PARN: variants seen among roughly 807,000 people sequenced by gnomAD.
PARN encodes the protein poly(A)-specific ribonuclease, also known as poly(A)-specific ribonuclease PARN.
Under a neutral mutation model 102.8 loss-of-function variants are expected in PARN, and 71 were observed. The observed-to-expected ratio is 0.69, with a 90% CI of 0.57 to 0.84. The LOEUF (loss-of-function observed/expected upper bound fraction) is 0.84. Ranked by LOEUF, PARN falls within the 40% of genes least tolerant of loss-of-function variation. PARN has a pLI of 0.00. For missense variants in PARN, 782 were observed against 760.9 expected (o/e 1.03, Z -0.33); for synonymous variants, 261 against 252.9 (o/e 1.03, Z -0.30).
intron 21 of PARN, among the ~76,000 whole-genome samples, chr16:14,492,118 G>A (rs983094922): frequency 6.6e-6 from 1 of 152,204 alleles, no homozygotes; most frequent in Non-Finnish European, 1.5e-5. Flanking sequence ...CATATCGTGG[G>A]TGTTTCTCCA....
intron 12 of PARN, among the ~76,000 whole-genome samples, chr16:14,595,169 G>A (rs533021196): frequency 6.6e-6 from 1 of 152,312 alleles, no homozygotes; most frequent in South Asian, 2.1e-4. Context: ...TAGCTCTGAA[G>A]CTACTTTATG....
At position 14,630,187 on chromosome 16, in the gene PARN, C is replaced by G; in HGVS notation, c.-62G>C. ...CCGCGCCCGCCTCAGCGGTTCTACTCGCCGAATTCCGCGGCGACTGCGGCA... is the reference window on the plus strand; with the variant it reads ...CCGCGCCCGCCTCAGCGGTTCTACTGGCCGAATTCCGCGGCGACTGCGGCA... On this transcript the variant is annotated 5_prime_UTR_variant, in exon 1 of 24. Coordinates refer to ENST00000437198, the MANE Select transcript of PARN (RefSeq NM_002582.4). 1 of 1,447,274 alleles carries G rather than the reference C, an allele frequency of 6.9e-7. No homozygotes were observed. Among genetic ancestry groups the G allele is most frequent in the South Asian group, 1.2e-5 (1 of 80,574 alleles). 89.7% of individuals were successfully genotyped at this position (1,447,274 alleles called of 1,614,324 possible). A position where few individuals can be genotyped will look rare whatever the true frequency, so the allele number is the denominator to read the frequency against.
intron 22 of PARN, among the ~76,000 whole-genome samples, chr16:14,450,508 A>T (rs1194259513): frequency 6.6e-6 from 1 of 152,118 alleles, no homozygotes; most frequent in Non-Finnish European, 1.5e-5. Context: ...ATATGTGTTC[A>T]TATTTATGTA....
chr16:14,604,222 T>G lies in PARN; in HGVS notation c.707A>C (p.Glu236Ala). The part of the protein sequence containing the change: ...HVETLETEKK[E>A]RYIVISKVDE... ...TACTTTGCTGATAACTATATATCGCTCCTTCTAAAAGACATAAAGCAGATA... is the reference window on the plus strand; with the variant it reads ...TACTTTGCTGATAACTATATATCGCGCCTTCTAAAAGACATAAAGCAGATA... Residue 236 changes from glutamate (E) to alanine (A), a missense_variant, in exon 11 of 24, where the codon GAG (glutamate) becomes GCG (alanine). By Grantham distance (107) the Glu-to-Ala change is moderately radical. Transcript: ENST00000437198. The G allele has an allele frequency of 1.3e-6, 2 of 1,575,936 alleles. No homozygotes were observed. The highest frequency in any genetic ancestry group is 8.7e-7 in the Non-Finnish European group (1 of 1,153,362).
intron 18 of PARN, among the ~76,000 whole-genome samples, chr16:14,556,998 C>A (rs560339610): frequency 7.2e-5 from 11 of 152,080 alleles, no homozygotes; most frequent in Admixed American, 2.0e-4. Flanking sequence ...AAAATGGGTA[C>A]AAAGGCACTT....
intron 5 of PARN, among the ~76,000 whole-genome samples, chr16:14,622,025 C>G (rs1972335660): frequency 6.6e-6 from 1 of 151,418 alleles, no homozygotes; most frequent in South Asian, 2.1e-4. Context: ...AAACTCTGTC[C>G]CTACTAAAAA....
intron 18 of PARN, among the ~76,000 whole-genome samples, chr16:14,558,057 A>G (rs1967810814): frequency 6.6e-6 from 1 of 152,230 alleles, no homozygotes; most frequent in African/African-American, 2.4e-5. Context: ...GTCATGCTTC[A>G]TATAATTTTC....
At chr16:14,519,363 G>C (rs909935843) in intron 21 of PARN, among the ~76,000 whole-genome samples, 1 of 139,314 alleles carries the variant, frequency 7.2e-6, no homozygotes, top group Non-Finnish European at 1.6e-5. Flanking sequence ...GAGGGGAGGG[G>C]AGGAAGAACA....
chr16:14,523,224 T>TACAC (rs35250440), intron 21 of PARN, among the ~76,000 whole-genome samples: 6,062 of 144,168 alleles, frequency 0.042, 135 homozygotes, highest in Middle Eastern at 0.054. Flanking sequence ...AACTAACAAG[T>TACAC]ACACACACAC....
At chr16:14,456,479 TAA>T (rs1295869730) in intron 22 of PARN, among the ~76,000 whole-genome samples, 1 of 152,140 alleles carries the variant, frequency 6.6e-6, no homozygotes, top group African/African-American at 2.4e-5. Flanking sequence ...TGGCCTACAG[TAA>T]GTCTTAAAGA....
intron 12 of PARN, among the ~76,000 whole-genome samples, chr16:14,597,523 C>T (rs1014591655): frequency 1.3e-5 from 2 of 151,904 alleles, no homozygotes; most frequent in Non-Finnish European, 2.9e-5. Context: ...GGTGAAACCC[C>T]GTCTCTACTA....
At chr16:14,521,521 G>A (rs1026450382) in intron 21 of PARN, among the ~76,000 whole-genome samples, 37 of 152,158 alleles carry the variant, frequency 2.4e-4, no homozygotes, top group African/African-American at 8.7e-4. Context: ...GTAACGGGCC[G>A]GGCACGGTGG....
In PARN at chr16:14,436,390, T is replaced by G; in HGVS notation, c.*327A>C. On this transcript the variant is annotated 3_prime_UTR_variant, in exon 24 of 24. Coordinates refer to ENST00000437198, the MANE Select transcript of PARN (RefSeq NM_002582.4). The stretch of plus-strand genomic sequence containing the variant: ...TTTTTGCAGATTTCACAGCCGACAC[T>G]CCCCATCAGGCAGGTTCTTAAGCAC... 1 of 348,728 alleles carries G rather than the reference T, an allele frequency of 2.9e-6. No individual in the cohort carries two copies. The highest frequency in any genetic ancestry group is 5.2e-6 in the Non-Finnish European group (1 of 191,916). The allele number at this position is 348,728 out of a possible 1,614,324, so 21.6% of individuals were successfully genotyped here.
chr16:14,617,488 T>C (rs1254423937), intron 6 of PARN, 102 bp downstream of exon 6: 5 of 711,880 alleles, frequency 7.0e-6, no homozygotes, highest in Non-Finnish European at 1.3e-5. Context: ...AGACTGTGTC[T>C]CAGCAGGCAC....
chr16:14,540,494 T>C (rs1039336661), intron 21 of PARN, among the ~76,000 whole-genome samples: 5 of 152,190 alleles, frequency 3.3e-5, no homozygotes, highest in African/African-American at 1.2e-4. Context: ...AATACATATA[T>C]ATATCTGAAA....
At chr16:14,602,575 T>C (rs796165920) in intron 11 of PARN, among the ~76,000 whole-genome samples, 3 of 152,298 alleles carry the variant, frequency 2.0e-5, no homozygotes, top group East Asian at 3.9e-4. Context: ...GATGCCATGG[T>C]GCCCTGGTGG....
At chr16:14,473,439 C>A (rs192801692) in intron 22 of PARN, among the ~76,000 whole-genome samples, 1 of 152,154 alleles carries the variant, frequency 6.6e-6, no homozygotes, top group Non-Finnish European at 1.5e-5. Flanking sequence ...ATCTACAGTC[C>A]TTTCCAAAAG....
intron 2 of PARN, among the ~76,000 whole-genome samples, chr16:14,629,264 A>G (rs567383323): frequency 6.6e-6 from 1 of 152,308 alleles, no homozygotes; most frequent in Non-Finnish European, 1.5e-5. Flanking sequence ...AAAATGGCAA[A>G]TTTCATGTTA....
At chr16:14,440,346 T>A (rs1221603619) in intron 23 of PARN, among the ~76,000 whole-genome samples, 2 of 152,120 alleles carry the variant, frequency 1.3e-5, no homozygotes, top group African/African-American at 2.4e-5. Flanking sequence ...GGGGTGTGTA[T>A]CAATATCAAG....
Sources: gnomAD v4.1 joint callset for allele counts (sites outside exome capture counted in the v4.1 genomes callset) on GRCh38, gnomAD v4.1.1 for gene constraint, MANE v1.5 for transcripts, NCBI Gene and HGNC (gene_info 2026-07-23, HGNC 2026-07-21) for gene names.